Variants in BCKDHB observed in about 807,000 individuals in gnomAD.
BCKDHB encodes 2-oxoisovalerate dehydrogenase subunit beta, mitochondrial.
BCKDHB carries 41 observed loss-of-function variants against 48.5 expected under a neutral mutation model. The ratio of observed to expected loss-of-function variants is 0.85; its 90% CI spans 0.66 to 1.10. The LOEUF (loss-of-function observed/expected upper bound fraction) is 1.10, where lower values mean the gene tolerates loss of function less well. Ranked by LOEUF, BCKDHB falls within the 50% of genes least tolerant of loss-of-function variation. The pLI, the probability that BCKDHB is intolerant of heterozygous loss-of-function variation, is 0.00. For synonymous variants in BCKDHB, 201 were observed against 174.8 expected, an observed-to-expected ratio of 1.15 and a Z score of -1.18; for missense variants, 496 against 494.2, an observed-to-expected ratio of 1.00 and a Z score of -0.03.
At chr6:80,107,101 C>A (rs996802580) in intron 1 of BCKDHB, among the ~76,000 whole-genome samples, 10 of 151,874 alleles carry the variant, frequency 6.6e-5, no homozygotes, top group Non-Finnish European at 1.0e-4. Flanking sequence ...GCAGTCCCCC[C>A]TCCCCCGCAA....
At chr6:80,265,798 C>T (rs1777491580) in intron 8 of BCKDHB, among the ~76,000 whole-genome samples, 1 of 152,160 alleles carries the variant, frequency 6.6e-6, no homozygotes, top group East Asian at 1.9e-4. Context: ...GGTAACAACA[C>T]TTGAATGAAG....
At chr6:80,364,181 C>A in the BCKDHB span, among the ~76,000 whole-genome samples, 1 of 152,178 alleles carries the variant, frequency 6.6e-6, no homozygotes, top group African/African-American at 2.4e-5. Context: ...GTGTGTATCA[C>A]TTACATATTT....
intron 3 of BCKDHB, among the ~76,000 whole-genome samples, chr6:80,162,440 C>T (rs185902856): frequency 1.7e-3 from 263 of 152,276 alleles, no homozygotes; most frequent in Middle Eastern, 0.014. Context: ...TTCAAAGACA[C>T]GGTTCCAGTT....
At chr6:80,260,121 C>G (rs1777231281) in intron 8 of BCKDHB, among the ~76,000 whole-genome samples, 1 of 151,960 alleles carries the variant, frequency 6.6e-6, no homozygotes, top group African/African-American at 2.4e-5. Flanking sequence ...TATACTGGTT[C>G]TAGACACCAC....
intron 3 of BCKDHB, among the ~76,000 whole-genome samples, chr6:80,163,922 C>T (rs985136205): frequency 6.6e-6 from 1 of 152,164 alleles, no homozygotes; most frequent in Non-Finnish European, 1.5e-5. Flanking sequence ...TAGAGTATAT[C>T]CAGAGTCTCA....
the BCKDHB span, among the ~76,000 whole-genome samples, chr6:80,414,568 G>A: frequency 6.6e-6 from 1 of 152,092 alleles, no homozygotes; most frequent in East Asian, 1.9e-4. Flanking sequence ...TCAGATAGTT[G>A]TAAGGGTGCA....
At chr6:80,452,893 A>G in the BCKDHB span, among the ~76,000 whole-genome samples, 2 of 152,054 alleles carry the variant, frequency 1.3e-5, no homozygotes, top group African/African-American at 4.8e-5. Flanking sequence ...CTTAGCATGC[A>G]ACAAACTATC....
At chr6:80,257,676 G>A (rs1281688944) in intron 8 of BCKDHB, among the ~76,000 whole-genome samples, 2 of 151,974 alleles carry the variant, frequency 1.3e-5, no homozygotes, top group Non-Finnish European at 2.9e-5. Context: ...CTCAGACTAA[G>A]TCTAAAGGCC....
the BCKDHB span, among the ~76,000 whole-genome samples, chr6:80,430,552 G>C: frequency 0.017 from 2,617 of 152,134 alleles, 72 homozygotes; most frequent in African/African-American, 0.059. Flanking sequence ...CTTGTTATTG[G>C]TCTATTCAGG....
the BCKDHB span, among the ~76,000 whole-genome samples, chr6:80,413,330 T>G: frequency 6.6e-6 from 1 of 152,170 alleles, no homozygotes; most frequent in Non-Finnish European, 1.5e-5. Context: ...CAGGCATACA[T>G]GTGCAGGTTT....
At chr6:80,385,213 A>G in the BCKDHB span, among the ~76,000 whole-genome samples, 3 of 152,222 alleles carry the variant, frequency 2.0e-5, no homozygotes, top group African/African-American at 7.2e-5. Context: ...AGAAGCAGAT[A>G]CTGAACATCA....
chr6:80,374,307 G>A, the BCKDHB span: 1 of 952,514 alleles, frequency 1.0e-6, no homozygotes, highest in South Asian at 1.3e-5. Flanking sequence ...CAAAAATTCA[G>A]CACTCTTTTT....
At chr6:80,352,151 G>GTTT in the BCKDHB span, among the ~76,000 whole-genome samples, 1 of 147,382 alleles carries the variant, frequency 6.8e-6, no homozygotes, top group East Asian at 2.0e-4. Context: ...TGTTGTTGTT[G>GTTT]TTTTTTTTTT....
intron 9 of BCKDHB, among the ~76,000 whole-genome samples, chr6:80,296,424 G>A (rs541001941): frequency 6.6e-6 from 1 of 152,244 alleles, no homozygotes; most frequent in East Asian, 1.9e-4. Context: ...AATTGTAGGA[G>A]TTTCCCATAA....
At chr6:80,431,832 C>T in the BCKDHB span, among the ~76,000 whole-genome samples, 1 of 151,258 alleles carries the variant, frequency 6.6e-6, no homozygotes, top group East Asian at 1.9e-4. Flanking sequence ...TAAGATTAAT[C>T]TATTGTCCTA....
the BCKDHB span, among the ~76,000 whole-genome samples, chr6:80,427,653 T>C: frequency 6.6e-6 from 1 of 152,190 alleles, no homozygotes; most frequent in African/African-American, 2.4e-5. Flanking sequence ...ATAAATTCTT[T>C]TCAGCTTTTA....
At chr6:80,144,035 C>T (rs931259516) in intron 3 of BCKDHB, among the ~76,000 whole-genome samples, 1 of 152,064 alleles carries the variant, frequency 6.6e-6, no homozygotes, top group Non-Finnish European at 1.5e-5. Flanking sequence ...AGTAGTATAT[C>T]CTTAATCAAT....
intron 3 of BCKDHB, among the ~76,000 whole-genome samples, chr6:80,164,086 A>C (rs1490156721): frequency 6.6e-6 from 1 of 152,144 alleles, no homozygotes; most frequent in East Asian, 1.9e-4. Flanking sequence ...TGCAGCTCAG[A>C]GAATGGCATG....
At chr6:80,390,256 C>T in the BCKDHB span, among the ~76,000 whole-genome samples, 1 of 152,154 alleles carries the variant, frequency 6.6e-6, no homozygotes, top group Non-Finnish European at 1.5e-5. Flanking sequence ...GAAGCTACAA[C>T]AGCCCGATCC....
Sources: allele counts gnomAD v4.1 joint callset (sites outside exome capture counted in the v4.1 genomes callset), GRCh38; gene constraint gnomAD v4.1.1; transcripts MANE v1.5; gene names NCBI Gene and HGNC (gene_info 2026-07-23, HGNC 2026-07-21).